UTRN: variants seen among roughly 807,000 people sequenced by gnomAD.
UTRN encodes dystrophin-related protein 1.
A neutral mutation model predicts 463.9 loss-of-function variants in UTRN; 283 were observed. The ratio of observed to expected loss-of-function variants is 0.61; its 90% CI spans 0.55 to 0.67. UTRN has a LOEUF of 0.67. UTRN is among the 30% of genes least tolerant of loss of function. The pLI, the probability that UTRN is intolerant of heterozygous loss-of-function variation, is 0.00. For synonymous variants in UTRN, 1,442 were observed against 1,431.5 expected (o/e 1.01, Z -0.17); for missense variants, 3,922 against 4,084.3 (o/e 0.96, Z 1.08).
intron 2 of UTRN, among the ~76,000 whole-genome samples, chr6:144,379,386 C>T (rs1475173119): frequency 2.6e-5 from 4 of 152,016 alleles, no homozygotes; most frequent in Non-Finnish European, 4.4e-5. Context: ...GAAGCTTGAC[C>T]GAGGCTAGAG....
At position 144,447,593 on chromosome 6, in the gene UTRN, AAATACTAG is replaced by A; in HGVS notation, c.1723-7_1723del. Reference sequence around the variant, plus strand: ...AAAAGAGTCATCTAATAAATATCTGAAATACTAGATTTTGAAGGAAGACATGGAAATGA... The same window carrying A: ...AAAAGAGTCATCTAATAAATATCTGAATTTTGAAGGAAGACATGGAAATGA... On this transcript the variant is annotated splice_acceptor_variant and splice_polypyrimidine_tract_variant and intron_variant, in intron 15 of 74. Transcript: ENST00000367545. LOFTEE classifies it high-confidence loss of function. The A allele has an allele frequency of 6.2e-7, 1 of 1,611,478 alleles. No homozygotes were observed. Among genetic ancestry groups the A allele is most frequent in the East Asian group, 2.2e-5 (1 of 44,856 alleles).
intron 56 of UTRN, among the ~76,000 whole-genome samples, chr6:144,754,313 G>A (rs1488953090): frequency 1.3e-5 from 2 of 152,126 alleles, no homozygotes; most frequent in African/African-American, 2.4e-5. Context: ...AACAGTTAGG[G>A]CACAGATTCT....
chr6:144,750,165 C>G (rs1791220465), intron 55 of UTRN, among the ~76,000 whole-genome samples: 1 of 151,722 alleles, frequency 6.6e-6, no homozygotes, highest in Non-Finnish European at 1.5e-5. Context: ...TTTGCCCACC[C>G]TAACCCACCC....
In UTRN at chr6:144,486,915, T is replaced by G. The variant is rs117384776; in HGVS notation, c.3823-633T>G. ...GCAAGTAATTTAACCTTTCTGAGCT[T>G]CAATTTTCCAATCTGTAAACTGGGA... is the stretch of plus-strand genomic sequence containing the variant. On this transcript the variant is annotated intron_variant, in intron 28 of 74. Transcript: ENST00000367545. 4.7e-3 allele frequency among the ~76,000 whole-genome samples: 718 copies of G among 152,324 alleles called. 6 individuals are homozygous for G. The highest frequency in any genetic ancestry group is 0.01 in the Middle Eastern group (3 of 294).
intron 53 of UTRN, among the ~76,000 whole-genome samples, chr6:144,726,232 A>G (rs903266636): frequency 6.6e-6 from 1 of 152,164 alleles, no homozygotes; most frequent in African/African-American, 2.4e-5. Flanking sequence ...GTCTCAGTGC[A>G]TAGGAAGCAG....
intron 58 of UTRN, among the ~76,000 whole-genome samples, chr6:144,758,821 A>C (rs1792308875): frequency 6.6e-6 from 1 of 152,088 alleles, no homozygotes; most frequent in African/African-American, 2.4e-5. Flanking sequence ...ACAGCATCAT[A>C]ATCATGACAA....
intron 69 of UTRN, among the ~76,000 whole-genome samples, chr6:144,834,558 C>T (rs1780946278): frequency 6.6e-6 from 1 of 152,132 alleles, no homozygotes; most frequent in Non-Finnish European, 1.5e-5. Flanking sequence ...GAGTAAACTG[C>T]AGTAACACCA....
intron 51 of UTRN, among the ~76,000 whole-genome samples, chr6:144,601,952 C>A (rs1050166661): frequency 6.6e-6 from 1 of 152,010 alleles, no homozygotes; most frequent in Non-Finnish European, 1.5e-5. Context: ...GATAGACAAT[C>A]GTTAGCATTT....
chr6:144,768,714 A>G (rs1793624333), intron 58 of UTRN, among the ~76,000 whole-genome samples: 1 of 152,176 alleles, frequency 6.6e-6, no homozygotes, highest in Non-Finnish European at 1.5e-5. Flanking sequence ...TATGGACAGA[A>G]ATCATTTGCA....
At chr6:144,512,124 G>A (rs1795226204) in intron 35 of UTRN, among the ~76,000 whole-genome samples, 1 of 152,004 alleles carries the variant, frequency 6.6e-6, no homozygotes, top group African/African-American at 2.4e-5. Context: ...ATGTTACTAA[G>A]CTTAAATTTC....
At chr6:144,815,048 A>G (rs1203268341) in intron 65 of UTRN, among the ~76,000 whole-genome samples, 1 of 152,244 alleles carries the variant, frequency 6.6e-6, no homozygotes, top group Non-Finnish European at 1.5e-5. Flanking sequence ...GTAGCTAATA[A>G]GGAAGCTGTT....
intron 54 of UTRN, among the ~76,000 whole-genome samples, chr6:144,734,948 C>G (rs1221090657): frequency 6.6e-6 from 1 of 152,114 alleles, no homozygotes; most frequent in Non-Finnish European, 1.5e-5. Context: ...ATGTAAGCTC[C>G]TTGAAGACAG....
At position 144,499,892 on chromosome 6, in the gene UTRN, C is replaced by T. The variant is rs182612388; in HGVS notation, c.4764+465C>T. Reference sequence around the variant, plus strand: ...TTGGTTTCCCATTCCTGCATTAATTCACTTAGGATAATGGCCTCCAGCTGC... The same window carrying T: ...TTGGTTTCCCATTCCTGCATTAATTTACTTAGGATAATGGCCTCCAGCTGC... On this transcript the variant is annotated intron_variant, in intron 34 of 74. Coordinates refer to ENST00000367545, the MANE Select transcript of UTRN (RefSeq NM_007124.3). 3.3e-5 allele frequency among the ~76,000 whole-genome samples: 5 copies of T among 152,318 alleles called. No homozygotes were observed. The East Asian group carries it at 9.6e-4, about 29-fold the overall frequency.
chr6:144,700,353 C>A (rs9390198), intron 53 of UTRN, 110 bp downstream of exon 53: 2 of 1,245,306 alleles, frequency 1.6e-6, no homozygotes, highest in Non-Finnish European at 2.1e-6. Flanking sequence ...ACAGGATTCC[C>A]CCCCCCACCA....
At chr6:144,742,073 G>T (rs1339971355) in intron 54 of UTRN, among the ~76,000 whole-genome samples, 1 of 137,286 alleles carries the variant, frequency 7.3e-6, no homozygotes, top group Non-Finnish European at 1.5e-5. Flanking sequence ...AATATATCTA[G>T]GTTCTCTTTT....
rs1325420071 is a variant in UTRN, at chr6:144,285,680, T to A, written c.-234T>A. ...GTGTCTGCTTCTCCAAGCTTTATTT[T>A]TTTTTTTAAATACATCGCACCACCA... On this transcript the variant is annotated 5_prime_UTR_variant, in exon 1 of 75. Transcript: ENST00000367545. The A allele has an allele frequency of 6.6e-6, 1 of 152,304 alleles. No individual in the cohort carries two copies. Among genetic ancestry groups the A allele is most frequent in the Middle Eastern group, 3.4e-3 (1 of 294 alleles). 9.4% of individuals were successfully genotyped at this position (152,304 alleles called of 1,614,324 possible). A position where few individuals can be genotyped will look rare whatever the true frequency, so the allele number is the denominator to read the frequency against.
intron 61 of UTRN, 122 bp from the exon 62 acceptor site, chr6:144,789,072 G>C: frequency 1.4e-6 from 1 of 738,258 alleles, no homozygotes; most frequent in Non-Finnish European, 2.2e-6. Flanking sequence ...TAGAAAAGTT[G>C]CATCTTTAAG....
chr6:144,286,795 C>A lies in UTRN; in HGVS notation c.-93+974C>A, dbSNP rs1803707016. Among the ~76,000 whole-genome samples, 1 of 151,994 alleles carries A rather than the reference C, an allele frequency of 6.6e-6. No individual in the cohort carries two copies. Among genetic ancestry groups the A allele is most frequent in the Non-Finnish European group, 1.5e-5 (1 of 68,006 alleles). On this transcript the variant is annotated intron_variant, in intron 1 of 74. Transcript: ENST00000367545. The surrounding 1 kb of genome is among the most constrained non-coding windows in gnomAD (Gnocchi z 4.4). ...ACCTCCGAGAGAGCTGTGGGACCAG[C>A]ACTTTATTTTACAAGGAACTGCAGA...
At chr6:144,418,440 G>C (rs997195513) in intron 3 of UTRN, among the ~76,000 whole-genome samples, 16 of 150,932 alleles carry the variant, frequency 1.1e-4, no homozygotes, top group Admixed American at 5.3e-4. Context: ...AGCCAGGATG[G>C]TCTCGATCTC....
Sources: allele counts gnomAD v4.1 joint callset (sites outside exome capture counted in the v4.1 genomes callset), GRCh38; gene constraint gnomAD v4.1.1; non-coding constraint Gnocchi (gnomAD v3.1); transcripts MANE v1.5; gene names NCBI Gene and HGNC (gene_info 2026-07-23, HGNC 2026-07-21).